ERC2: variants seen among roughly 807,000 people sequenced by gnomAD.
The protein encoded by ERC2 is ERC protein 2.
Under a neutral mutation model 114.8 loss-of-function variants are expected in ERC2, and 42 were observed. The observed-to-expected ratio is 0.37, with a 90% CI of 0.29 to 0.47. The LOEUF is 0.47. Among genes scored for constraint, ERC2 ranks in the 20% least tolerant of loss-of-function variants. The probability of loss-of-function intolerance (pLI) is 0.99; values close to 1 mark genes in which losing one functional copy is unlikely to be tolerated. For synonymous variants in ERC2, 454 were observed against 425.5 expected, an observed-to-expected ratio of 1.07 and a Z score of -0.82; for missense variants, 939 against 1,150.7, an observed-to-expected ratio of 0.82 and a Z score of 2.66.
intron 11 of ERC2, among the ~76,000 whole-genome samples, chr3:55,987,916 AG>A (rs1289034538): frequency 2.0e-5 from 3 of 152,164 alleles, no homozygotes; most frequent in African/African-American, 7.2e-5. Flanking sequence ...TATGTGATTG[AG>A]GGCTCAATTT....
intron 13 of ERC2, among the ~76,000 whole-genome samples, chr3:55,942,779 G>T (rs1454935254): frequency 2.0e-5 from 3 of 152,130 alleles, no homozygotes; most frequent in Non-Finnish European, 2.9e-5. Context: ...AAGTGAATAG[G>T]AACTGATTTA....
chr3:55,835,856 A>C (rs1422057599), intron 14 of ERC2, among the ~76,000 whole-genome samples: 2 of 151,784 alleles, frequency 1.3e-5, no homozygotes, highest in Admixed American at 1.3e-4. Context: ...AGAAAACCCC[A>C]TTGTCTCAGC....
chr3:55,823,470 C>G (rs962575306), intron 14 of ERC2, among the ~76,000 whole-genome samples: 1 of 152,128 alleles, frequency 6.6e-6, no homozygotes, highest in Non-Finnish European at 1.5e-5. Context: ...CTCCCTGTCT[C>G]AGGGTGGGCA....
intron 7 of ERC2, among the ~76,000 whole-genome samples, chr3:56,029,083 T>C (rs1029048912): frequency 3.9e-5 from 6 of 152,106 alleles, no homozygotes; most frequent in African/African-American, 1.4e-4. Flanking sequence ...ATCCTGTTTA[T>C]ACTGTGGATT....
intron 6 of ERC2, among the ~76,000 whole-genome samples, chr3:56,118,858 G>T (rs2079409688): frequency 2.0e-5 from 3 of 152,014 alleles, no homozygotes; most frequent in Admixed American, 1.3e-4. Context: ...GGATGGTCTT[G>T]ATCTCCTGAC....
At chr3:55,854,232 G>A (rs1031157320) in intron 14 of ERC2, among the ~76,000 whole-genome samples, 5 of 152,138 alleles carry the variant, frequency 3.3e-5, no homozygotes, top group South Asian at 2.1e-4. Flanking sequence ...CTGAGATTGC[G>A]CCACTGCACT....
rs530392914 is a variant in ERC2 at position 56,139,614 on chromosome 3, C to T, written c.1368G>A (p.Lys456=). Residue 456 remains lysine (K), a synonymous_variant, in exon 6 of 18, where the codon AAG becomes AAA. Transcript: ENST00000288221. The part of the protein sequence containing the change: ...KESELLALQT[K]LETLSNQNSD... Reference sequence around the variant, plus strand: ...AATTTTGATTGCTGAGGGTTTCAAGCTTTGTTTGTAAGGCAAGAAGTTCCG... The same window carrying T: ...AATTTTGATTGCTGAGGGTTTCAAGTTTTGTTTGTAAGGCAAGAAGTTCCG... The T allele has an allele frequency of 1.7e-5, 27 of 1,612,722 alleles. No individual in the cohort carries two copies. The African/African-American group carries it at 3.5e-4, about 21-fold the overall frequency.
At chr3:56,174,592 G>A (rs1239600194) in intron 3 of ERC2, among the ~76,000 whole-genome samples, 3 of 152,148 alleles carry the variant, frequency 2.0e-5, no homozygotes, top group Admixed American at 1.3e-4. Flanking sequence ...TTAAAAAAGA[G>A]GATCAATATC....
At chr3:56,381,302 TC>T (rs1323657575) in intron 2 of ERC2, among the ~76,000 whole-genome samples, 1 of 152,148 alleles carries the variant, frequency 6.6e-6, no homozygotes, top group East Asian at 1.9e-4. Context: ...TTACAATCAT[TC>T]CTGGGTATAC....
At chr3:56,263,591 T>A (rs2150270026) in intron 3 of ERC2, among the ~76,000 whole-genome samples, 1 of 152,116 alleles carries the variant, frequency 6.6e-6, no homozygotes, top group African/African-American at 2.4e-5. Flanking sequence ...CCTAGAAGCA[T>A]AACCTACCAA....
intron 1 of ERC2, among the ~76,000 whole-genome samples, chr3:56,464,511 G>C (rs933520640): frequency 1.3e-5 from 2 of 152,196 alleles, no homozygotes; most frequent in South Asian, 2.1e-4. Context: ...CTGTAAGTCA[G>C]GGAGTTTTGT....
At chr3:56,339,838 G>A (rs370881462) in intron 2 of ERC2, among the ~76,000 whole-genome samples, 1 of 152,138 alleles carries the variant, frequency 6.6e-6, no homozygotes, top group Non-Finnish European at 1.5e-5. Context: ...GGTCTTGAAA[G>A]CTGGATCTAA....
At chr3:55,576,973 T>G (rs544422640) in intron 17 of ERC2, among the ~76,000 whole-genome samples, 7 of 152,316 alleles carry the variant, frequency 4.6e-5, no homozygotes, top group African/African-American at 1.7e-4. Context: ...CTTAGACAAG[T>G]CGAGGTGATT....
intron 6 of ERC2, among the ~76,000 whole-genome samples, chr3:56,132,090 G>A (rs2080238414): frequency 6.6e-6 from 1 of 152,130 alleles, no homozygotes; most frequent in South Asian, 2.1e-4. Flanking sequence ...CAATGAATAA[G>A]TAGTTCTTTT....
chr3:56,391,193 C>G (rs978533965), intron 2 of ERC2, among the ~76,000 whole-genome samples: 2 of 152,148 alleles, frequency 1.3e-5, no homozygotes, highest in Non-Finnish European at 2.9e-5. Context: ...CATACCAACA[C>G]TTCAAATTAT....
chr3:55,955,526 G>A (rs1368293534), intron 12 of ERC2, among the ~76,000 whole-genome samples: 1 of 152,060 alleles, frequency 6.6e-6, no homozygotes, highest in African/African-American at 2.4e-5. Context: ...CTTTTGCTTA[G>A]CATAAAGGTT....
intron 11 of ERC2, among the ~76,000 whole-genome samples, chr3:55,987,429 G>A (rs568885732): frequency 6.6e-6 from 1 of 152,296 alleles, no homozygotes; most frequent in African/African-American, 2.4e-5. Context: ...TGTGATGTCC[G>A]TGACCTTCCC....
At chr3:55,571,281 C>T (rs1252215703) in intron 17 of ERC2, among the ~76,000 whole-genome samples, 2 of 152,098 alleles carry the variant, frequency 1.3e-5, no homozygotes, top group East Asian at 1.9e-4. Context: ...GATGCTGTGA[C>T]ATCTGGGGCC....
chr3:55,703,504 T>G (rs1304770562), intron 15 of ERC2, among the ~76,000 whole-genome samples: 1 of 152,382 alleles, frequency 6.6e-6, no homozygotes, highest in East Asian at 1.9e-4. Context: ...CCTGGGTCTC[T>G]GCCATCACAG....
Sources: gnomAD v4.1 joint callset for allele counts (sites outside exome capture counted in the v4.1 genomes callset) on GRCh38, gnomAD v4.1.1 for gene constraint, MANE v1.5 for transcripts, NCBI Gene and HGNC (gene_info 2026-07-23, HGNC 2026-07-21) for gene names.